FAM161A: variants seen among roughly 807,000 people sequenced by gnomAD.
FAM161A encodes the protein protein FAM161A.
A neutral mutation model predicts 70.9 loss-of-function variants in FAM161A; 57 were observed. That is an observed-to-expected ratio of 0.80 (90% CI 0.65 to 1.00). FAM161A has a LOEUF of 1.00. Ranked by LOEUF, FAM161A falls within the 50% of genes least tolerant of loss-of-function variation. FAM161A has a pLI of 0.00. For synonymous variants in FAM161A, 299 were observed against 295.7 expected (o/e 1.01, Z -0.12); for missense variants, 880 against 836.0 (o/e 1.05, Z -0.65).
At chr2:61,823,396 G>T (rs1672252639), downstream of FAM161A, among the ~76,000 whole-genome samples, 1 of 125,102 alleles carries the variant, frequency 8.0e-6, no homozygotes, top group Admixed American at 8.1e-5. Flanking sequence ...TTGAGTCAGG[G>T]TCTCACTTTG....
chr2:61,833,558 C>T (rs1007050386), intron 5 of FAM161A, among the ~76,000 whole-genome samples: 27 of 151,894 alleles, frequency 1.8e-4, no homozygotes, highest in Admixed American at 1.4e-3. Context: ...GATGGAAAGA[C>T]GTTGAAAGGG....
At chr2:61,851,430 G>A (rs1198099382) in intron 1 of FAM161A, among the ~76,000 whole-genome samples, 10 of 151,906 alleles carry the variant, frequency 6.6e-5, no homozygotes, top group Non-Finnish European at 1.3e-4. Flanking sequence ...TCCGCCTCCC[G>A]GGTTCAGGCA....
downstream of FAM161A, among the ~76,000 whole-genome samples, chr2:61,820,873 C>T (rs1172810952): frequency 6.6e-6 from 1 of 152,072 alleles, no homozygotes; most frequent in Non-Finnish European, 1.5e-5. Flanking sequence ...AAGCTAAAGC[C>T]TCATTTATAT....
rs1467286299 is a variant in FAM161A at position 61,825,335 on chromosome 2, A to C, written c.*1120T>G. The C allele has an allele frequency of 2.2e-6, 1 of 454,258 alleles. No homozygotes were observed. Among genetic ancestry groups the C allele is most frequent in the Non-Finnish European group, 4.4e-6 (1 of 226,800 alleles). The allele number at this position is 454,258 out of a possible 1,614,324, so 28.1% of individuals were successfully genotyped here. ...CAACTGGGTCTAGCAGTGAAGAGTTAAATCTGAATTACTTTGGAGACTTGC... is the reference window on the plus strand; with the variant it reads ...CAACTGGGTCTAGCAGTGAAGAGTTCAATCTGAATTACTTTGGAGACTTGC... On this transcript the variant is annotated 3_prime_UTR_variant, in exon 7 of 7. Coordinates refer to ENST00000404929, the MANE Select transcript of FAM161A (RefSeq NM_001201543.2).
downstream of FAM161A, chr2:61,820,432 G>T: frequency 1.3e-6 from 1 of 757,010 alleles, no homozygotes; most frequent in Non-Finnish European, 2.4e-6. Flanking sequence ...GCCACACAAG[G>T]TGGATGGGAG....
chr2:61,804,814 G>GAA, the FAM161A span, among the ~76,000 whole-genome samples: 12 of 142,728 alleles, frequency 8.4e-5, no homozygotes, highest in African/African-American at 2.8e-4. Flanking sequence ...AAGAAAGAAA[G>GAA]AAAGAGAAAG....
At chr2:61,815,535 C>CTTTTT in the FAM161A span, among the ~76,000 whole-genome samples, 97 of 53,240 alleles carry the variant, frequency 1.8e-3, 3 homozygotes, top group Middle Eastern at 0.015. Context: ...AAAGATGTGT[C>CTTTTT]TTTTTTTTTT....
chr2:61,848,235 G>T (rs1476307374), intron 1 of FAM161A, among the ~76,000 whole-genome samples: 2 of 152,150 alleles, frequency 1.3e-5, no homozygotes, highest in African/African-American at 4.8e-5. Context: ...TCTGAAAGAT[G>T]CGGCAGGTCT....
At chr2:61,804,760 AAAAGAAAGAGAAAGAAAG>A in the FAM161A span, among the ~76,000 whole-genome samples, 161 of 57,842 alleles carry the variant, frequency 2.8e-3, no homozygotes, top group Non-Finnish European at 3.4e-3. Context: ...GAAAGAAAGA[AAAAGAAAGAGAAAGAAAG>A]AAAGAAAGAA....
chr2:61,833,728 A>G (rs1481866815), intron 5 of FAM161A, among the ~76,000 whole-genome samples: 2 of 129,612 alleles, frequency 1.5e-5, no homozygotes, highest in Admixed American at 8.9e-5. Context: ...TAGGAAGACT[A>G]TAACAAAAAG....
intron 4 of FAM161A, chr2:61,836,871 G>A (rs1414131948): frequency 4.3e-6 from 1 of 230,778 alleles, no homozygotes; most frequent in South Asian, 4.6e-5. Context: ...ATTGCGCCTG[G>A]CCTATTAATT....
intron 5 of FAM161A, among the ~76,000 whole-genome samples, chr2:61,828,699 G>C (rs2105062244): frequency 6.6e-6 from 1 of 152,254 alleles, no homozygotes; most frequent in Middle Eastern, 3.4e-3. Context: ...CATTAAAGAT[G>C]ATAAAAGCAC....
chr2:61,828,508 T>C (rs1339141764), intron 5 of FAM161A, among the ~76,000 whole-genome samples: 1 of 152,162 alleles, frequency 6.6e-6, no homozygotes, highest in East Asian at 1.9e-4. Flanking sequence ...TTTGTATTTT[T>C]TGTAGGACGG....
At chr2:61,830,679 G>T (rs1424242539) in intron 5 of FAM161A, among the ~76,000 whole-genome samples, 2 of 51,404 alleles carry the variant, frequency 3.9e-5, no homozygotes, top group South Asian at 8.3e-4. Flanking sequence ...GTAAGACCCT[G>T]TCTCAAAAAA....
chr2:61,830,877 G>A (rs867245026), intron 5 of FAM161A, among the ~76,000 whole-genome samples: 2 of 151,748 alleles, frequency 1.3e-5, no homozygotes, highest in African/African-American at 4.8e-5. Flanking sequence ...TTGAGAGGCT[G>A]AGGTGGGCAG....
chr2:61,801,685 T>G, the FAM161A span, among the ~76,000 whole-genome samples: 1 of 151,766 alleles, frequency 6.6e-6, no homozygotes, highest in Non-Finnish European at 1.5e-5. Context: ...CTTAGCCTCC[T>G]GAGCAGCTGG....
the FAM161A span, among the ~76,000 whole-genome samples, chr2:61,806,681 T>A: frequency 1.6e-5 from 1 of 64,022 alleles, no homozygotes; most frequent in African/African-American, 1.0e-4. Context: ...TTTCCACGTC[T>A]TTTTTTTTTT....
Position 61,845,239 on chromosome 2 carries a change from G to C in FAM161A, c.184-2879C>G, listed in dbSNP as rs571874065. 5.9e-5 allele frequency among the ~76,000 whole-genome samples: 9 copies of C among 152,294 alleles called. No homozygotes were observed. The South Asian group carries it at 1.7e-3, about 28-fold the overall frequency. ...GGAAGGAGGACTAATAGGAGGTAGA[G>C]AGTGGCATGAGAGATACAAAGACCA... On this transcript the variant is annotated intron_variant, in intron 1 of 6. Transcript: ENST00000404929.
intron 5 of FAM161A, among the ~76,000 whole-genome samples, chr2:61,827,482 C>T (rs1167737043): frequency 3.3e-5 from 5 of 151,674 alleles, no homozygotes; most frequent in Non-Finnish European, 7.4e-5. Flanking sequence ...TGGTGGTGGC[C>T]GCCTGTAGTC....
Sources: allele counts gnomAD v4.1 joint callset (sites outside exome capture counted in the v4.1 genomes callset), GRCh38; gene constraint gnomAD v4.1.1; transcripts MANE v1.5; gene names NCBI Gene and HGNC (gene_info 2026-07-23, HGNC 2026-07-21).